DNASE1: variants seen among roughly 807,000 people sequenced by gnomAD.
DNASE1 encodes deoxyribonuclease 1.
In DNASE1, 40 loss-of-function variants were observed where a neutral mutation model predicts 33.9. The ratio of observed to expected loss-of-function variants is 1.18; its 90% CI spans 0.92 to 1.54. The LOEUF (loss-of-function observed/expected upper bound fraction) is 1.54, where lower values mean the gene tolerates loss of function less well. Ranked by LOEUF, DNASE1 falls within the 40% of genes most tolerant of loss-of-function variation. The pLI is 0.00. For missense variants in DNASE1, 518 were observed against 372.6 expected (o/e 1.39, Z -3.21); for synonymous variants, 216 against 160.0 (o/e 1.35, Z -2.64).
intron 1 of DNASE1, among the ~76,000 whole-genome samples, chr16:3,618,806 A>G (rs2041198883): frequency 6.6e-6 from 1 of 152,214 alleles, no homozygotes; most frequent in Non-Finnish European, 1.5e-5. Context: ...AATGAACAAA[A>G]TGTAGTATAG....
upstream of DNASE1, chr16:3,653,826 A>AAAAACAAAAAAAAAAAAAAC: frequency 6.9e-6 from 1 of 145,008 alleles, no homozygotes; most frequent in African/African-American, 2.6e-5. Context: ...AAAAAAAAAA[A>AAAAACAAAAAAAAAAAAAAC]AAAAAAAAAA....
intron 1 of DNASE1, among the ~76,000 whole-genome samples, chr16:3,631,707 G>C (rs1282353497): frequency 6.6e-6 from 1 of 150,962 alleles, no homozygotes; most frequent in East Asian, 1.9e-4. Context: ...GTTTTTAGTA[G>C]AGATGGGGTT....
At chr16:3,646,491 C>T (rs572675984) in intron 1 of DNASE1, among the ~76,000 whole-genome samples, 2 of 151,722 alleles carry the variant, frequency 1.3e-5, no homozygotes, top group East Asian at 1.9e-4. Context: ...GGGGCCATGG[C>T]GGGTGTAGGG....
At position 3,663,562 on chromosome 16, in the gene DNASE1, C is replaced by A. The variant is rs1159363709; in HGVS notation, c.*5609C>A. 3.7e-6 allele frequency: 6 copies of A among 1,613,654 alleles called. No homozygotes were observed. In the African/African-American group the frequency reaches 6.7e-5, roughly 18 times the overall value. ...TCAAACTGCTCAAAGCAGAAGAGAA[C>A]CTGCAGGTGGCCAAGAGCAGCTCCA... On this transcript the variant is annotated 3_prime_UTR_variant, in exon 10 of 10. Coordinates refer to the DNASE1 transcript ENST00000407479.
chr16:3,648,525 G>C (rs2042239045), intron 1 of DNASE1, among the ~76,000 whole-genome samples: 1 of 152,168 alleles, frequency 6.6e-6, no homozygotes, highest in South Asian at 2.1e-4. Context: ...GAACCCCAGA[G>C]GCGAAGCTCG....
chr16:3,649,162 CTT>C (rs1435447899), intron 1 of DNASE1, among the ~76,000 whole-genome samples: 1 of 152,190 alleles, frequency 6.6e-6, no homozygotes, highest in Admixed American at 6.6e-5. Context: ...CAGAGGCTGT[CTT>C]TTGTGATGTT....
chr16:3,653,768 C>G (rs2151210413), upstream of DNASE1: 1 of 119,702 alleles, frequency 8.4e-6, no homozygotes, highest in African/African-American at 3.2e-5. Context: ...GATAGTATTA[C>G]TGCACTCCAG....
At chr16:3,638,345 T>G (rs966828785), upstream of DNASE1, among the ~76,000 whole-genome samples, 2 of 152,136 alleles carry the variant, frequency 1.3e-5, no homozygotes, top group Non-Finnish European at 2.9e-5. Context: ...GTTTGGGTTT[T>G]TCTTTTTTTT....
At chr16:3,612,995 T>C (rs1475955293) in intron 1 of DNASE1, among the ~76,000 whole-genome samples, 1 of 152,184 alleles carries the variant, frequency 6.6e-6, no homozygotes, top group Non-Finnish European at 1.5e-5. Context: ...TTTTAAAAGA[T>C]ACAGTATCAT....
chr16:3,645,170 T>C (rs1256701574), intron 1 of DNASE1, among the ~76,000 whole-genome samples: 3 of 152,104 alleles, frequency 2.0e-5, no homozygotes, highest in Non-Finnish European at 4.4e-5. Context: ...GAAAATCCCT[T>C]GCAACTACCA....
upstream of DNASE1, among the ~76,000 whole-genome samples, chr16:3,650,014 G>A (rs1469164087): frequency 5.7e-4 from 86 of 152,148 alleles, no homozygotes; most frequent in South Asian, 2.1e-4. Context: ...AAAATGACCC[G>A]CCTGAGAACT....
chr16:3,653,498 C>T (rs1346338442), upstream of DNASE1: 1 of 151,920 alleles, frequency 6.6e-6, no homozygotes, highest in African/African-American at 2.4e-5. Flanking sequence ...GACTTGGAGA[C>T]CTTGTGTCTG....
At chr16:3,664,499 A>ATGGGCTCAATGTTGCCCAACTAAC in exon 10 of DNASE1, 1 of 1,569,410 alleles carries the variant, frequency 6.4e-7, no homozygotes, top group Non-Finnish European at 8.6e-7. Context: ...TTCCAGGCCC[A>ATGGGCTCAATGTTGCCCAACTAAC]TGGGCTCAAT....
chr16:3,641,526 A>T (rs1398102216), upstream of DNASE1, among the ~76,000 whole-genome samples: 1 of 152,276 alleles, frequency 6.6e-6, no homozygotes, highest in Non-Finnish European at 1.5e-5. Flanking sequence ...CTTGGGCAGC[A>T]TCTGTCCTGG....
At chr16:3,658,154 A>C, downstream of DNASE1, 1 of 1,614,072 alleles carries the variant, frequency 6.2e-7, no homozygotes, top group Non-Finnish European at 8.5e-7. Flanking sequence ...GGCCTTGACA[A>C]GCAGCTCATT....
rs752868705 is a variant in DNASE1 at position 3,657,257 on chromosome 16, G to A, written c.620G>A (p.Arg207His). The change falls in exon 7 of 9, where the codon CGC becomes CAC. Residue 207 changes from arginine (R) to histidine (H), a missense_variant. Physicochemically the swap from Arg to His is conservative, Grantham distance 29. Transcript: ENST00000246949. ...AGACCCTCCCAGTGGTCATCCATCC[G>A]CCTGTGGACAAGCCCCACCTTCCAG... ...YVRPSQWSSI[R>H]LWTSPTFQWL... The A allele has an allele frequency of 5.3e-5, 86 of 1,613,862 alleles. No homozygotes were observed. The highest frequency in any genetic ancestry group is 3.3e-4 in the East Asian group (15 of 44,888).
At chr16:3,621,040 C>T (rs1326936352) in intron 1 of DNASE1, among the ~76,000 whole-genome samples, 2 of 152,046 alleles carry the variant, frequency 1.3e-5, no homozygotes, top group East Asian at 3.8e-4. Flanking sequence ...CCTCGTGATC[C>T]ACCCGCCTCA....
At chr16:3,649,141 A>G (rs2042257134) in intron 1 of DNASE1, among the ~76,000 whole-genome samples, 1 of 152,186 alleles carries the variant, frequency 6.6e-6, no homozygotes, top group Non-Finnish European at 1.5e-5. Context: ...GTGGTCTTGG[A>G]TTAGAAGGGA....
intron 1 of DNASE1, among the ~76,000 whole-genome samples, chr16:3,643,884 C>A (rs1937924845): frequency 6.6e-6 from 1 of 152,142 alleles, no homozygotes; most frequent in African/African-American, 2.4e-5. Flanking sequence ...GCCTCAGCCT[C>A]CCAGTAGCTG....
Sources: gnomAD v4.1 joint callset for allele counts (sites outside exome capture counted in the v4.1 genomes callset) on GRCh38, gnomAD v4.1.1 for gene constraint, MANE v1.5 for transcripts, NCBI Gene and HGNC (gene_info 2026-07-23, HGNC 2026-07-21) for gene names.